PRCC: variants seen among roughly 807,000 people sequenced by gnomAD.
PRCC encodes proline-rich protein PRCC.
A neutral mutation model predicts 44.0 loss-of-function variants in PRCC; 10 were observed. The ratio of observed to expected loss-of-function variants is 0.23; its 90% CI spans 0.14 to 0.39. The LOEUF (loss-of-function observed/expected upper bound fraction) is 0.39, where lower values mean the gene tolerates loss of function less well. Among genes scored for constraint, PRCC ranks in the 10% least tolerant of loss-of-function variants. The pLI is 1.00. For missense variants in PRCC, 573 were observed against 624.7 expected (o/e 0.92, Z 0.88); for synonymous variants, 278 against 259.5 (o/e 1.07, Z -0.69).
At chr1:156,791,092 C>G in intron 3 of PRCC, 2 of 1,412,872 alleles carry the variant, frequency 1.4e-6, no homozygotes, top group Non-Finnish European at 1.9e-6. Flanking sequence ...CTGGGCCACT[C>G]GCCTCTAAGG....
intron 2 of PRCC, among the ~76,000 whole-genome samples, chr1:156,784,298 G>A (rs149022269): frequency 5.2e-4 from 79 of 152,276 alleles, no homozygotes; most frequent in African/African-American, 1.8e-3. Context: ...AGATGTTGGC[G>A]TGCTGAGACT....
rs201707266 is a variant in PRCC, at chr1:156,800,790, TG to T, written c.*331del. ...TTTTTTTTAAACCAGGGATGTCTGT[TG>T]AAATAAAACATTCAGTCTGACAAAC... is the stretch of plus-strand genomic sequence containing the variant. On this transcript the variant is annotated 3_prime_UTR_variant, in exon 7 of 7. Transcript: ENST00000271526. 0.011 allele frequency: 3,001 copies of T among 282,068 alleles called. 44 individuals carry two copies. Among genetic ancestry groups the T allele is most frequent in the Admixed American group, 0.029 (633 of 21,562 alleles). The allele number at this position is 282,068 out of a possible 1,614,324, so 17.5% of individuals were successfully genotyped here. A position where few individuals can be genotyped will look rare whatever the true frequency, so the allele number is the denominator to read the frequency against.
In PRCC at chr1:156,768,184, C is replaced by G. The variant is rs1359222788; in HGVS notation, c.413C>G (p.Pro138Arg). The change falls in exon 1 of 7, where the codon CCA becomes CGA. Residue 138 changes from proline to arginine, a missense_variant. Physicochemically the swap from Pro to Arg is moderately radical, Grantham distance 103. This residue lies in a region of PRCC where 245 missense variants were observed against 188.5 expected (regional missense o/e 1.30). Coordinates refer to ENST00000271526, the MANE Select transcript of PRCC (RefSeq NM_005973.5). ...GAGPPLGLPK[P>R]KKRKEPVKIA... is the part of the protein sequence containing the mutation. ...GGTCCCCCGCTGGGGCTTCCCAAGC[C>G]AAAGAAGAGGAAAGAGCCCGTGAAG... 26 of 1,550,602 alleles carry G rather than the reference C, an allele frequency of 1.7e-5. No homozygotes were observed. Among genetic ancestry groups the G allele is most frequent in the Non-Finnish European group, 2.1e-5 (24 of 1,148,162 alleles).
chr1:156,780,790 A>G (rs974616321), intron 1 of PRCC, among the ~76,000 whole-genome samples: 1 of 151,708 alleles, frequency 6.6e-6, no homozygotes, highest in Non-Finnish European at 1.5e-5. Context: ...CTGGATTGCA[A>G]GATCTTGGCT....
At chr1:156,775,349 T>G (rs1651787094) in intron 1 of PRCC, among the ~76,000 whole-genome samples, 1 of 150,864 alleles carries the variant, frequency 6.6e-6, no homozygotes, top group Admixed American at 6.6e-5. Context: ...CATTTTTCTT[T>G]CTTTTGTTTT....
At chr1:156,769,052 C>T (rs142742644) in intron 1 of PRCC, among the ~76,000 whole-genome samples, 1 of 152,194 alleles carries the variant, frequency 6.6e-6, no homozygotes, top group Non-Finnish European at 1.5e-5. Context: ...ATACAAGGCT[C>T]CTGGAGTGAG....
chr1:156,786,851 C>G lies in PRCC; in HGVS notation c.760C>G (p.Leu254Val). ...AIKAAAKSAA[L>V]QVTKQITQEE... ...CAAGGCTGCTGCCAAGAGTGCTGCCCTGCAGGTGACAAAGCAGATCACGCA... is the reference window on the plus strand; with the variant it reads ...CAAGGCTGCTGCCAAGAGTGCTGCCGTGCAGGTGACAAAGCAGATCACGCA... Residue 254 changes from leucine (L) to valine (V), a missense_variant, in exon 3 of 7, where the codon CTG (leucine) becomes GTG (valine). Leu to Val is a conservative substitution (Grantham distance 32). Around this residue, in one of 4 missense-constraint regions of PRCC, gnomAD observed 118 missense variants for 166.7 expected, o/e 0.71. Coordinates refer to ENST00000271526, the MANE Select transcript of PRCC (RefSeq NM_005973.5). 1 of 1,614,230 alleles carries G rather than the reference C, an allele frequency of 6.2e-7. No individual in the cohort carries two copies. The highest frequency in any genetic ancestry group is 8.5e-7 in the Non-Finnish European group (1 of 1,180,026).
At chr1:156,775,233 G>A (rs1457171458) in intron 1 of PRCC, among the ~76,000 whole-genome samples, 2 of 152,048 alleles carry the variant, frequency 1.3e-5, no homozygotes, top group Non-Finnish European at 2.9e-5. Flanking sequence ...GGGCTGCAGA[G>A]GGAGGCTCCA....
chr1:156,778,171 T>G (rs558936887), intron 1 of PRCC, among the ~76,000 whole-genome samples: 114 of 150,540 alleles, frequency 7.6e-4, no homozygotes, highest in African/African-American at 2.5e-3. Flanking sequence ...TCTTCCTGTC[T>G]GAGATTTTGT....
chr1:156,770,956 T>G (rs1340468882), intron 1 of PRCC, among the ~76,000 whole-genome samples: 1 of 152,244 alleles, frequency 6.6e-6, no homozygotes, highest in Admixed American at 6.5e-5. Flanking sequence ...GCTTATGATC[T>G]ACTGGAGAAA....
chr1:156,795,555 G>A (rs1652635600), intron 5 of PRCC, among the ~76,000 whole-genome samples: 1 of 152,036 alleles, frequency 6.6e-6, no homozygotes, highest in Non-Finnish European at 1.5e-5. Flanking sequence ...CAAAGTGCTG[G>A]GATTACAGGC....
intron 6 of PRCC, among the ~76,000 whole-genome samples, chr1:156,798,948 T>C (rs892491968): frequency 1.3e-5 from 2 of 151,804 alleles, no homozygotes; most frequent in Non-Finnish European, 2.9e-5. Flanking sequence ...GACAAGCAGC[T>C]CCCGTGGAAA....
intron 1 of PRCC, among the ~76,000 whole-genome samples, chr1:156,769,421 T>TA (rs892958993): frequency 4.7e-5 from 7 of 150,422 alleles, no homozygotes; most frequent in Non-Finnish European, 5.9e-5. Flanking sequence ...AGGCAGGGAT[T>TA]AAAAAAAAAA....
In PRCC at chr1:156,798,668, A is replaced by G. The variant is rs577193559; in HGVS notation, c.1389+1327A>G. Among the ~76,000 whole-genome samples the G allele has an allele frequency of 2.0e-3, 307 of 152,144 alleles. 1 individual carries two copies. The Middle Eastern group carries it at 0.027, about 13-fold the overall frequency. On this transcript the variant is annotated intron_variant, in intron 6 of 6. Coordinates refer to ENST00000271526, the MANE Select transcript of PRCC (RefSeq NM_005973.5). ...TCAGGAATTCGAGACCAGCCTGACC[A>G]ACATGGTGAAACCCTGTCTCTACTA...
At chr1:156,796,005 C>T (rs997954959) in intron 5 of PRCC, 1 of 152,212 alleles carries the variant, frequency 6.6e-6, no homozygotes. Context: ...ACACAAGCCC[C>T]AGCCGTTTGT....
chr1:156,790,950 G>C (rs1421767386), intron 3 of PRCC: 1 of 518,410 alleles, frequency 1.9e-6, no homozygotes, highest in Non-Finnish European at 3.8e-6. Flanking sequence ...AGTTTAAGAC[G>C]AAGTGGAAGA....
chr1:156,793,540 G>A (rs1339096825), intron 4 of PRCC, among the ~76,000 whole-genome samples: 3 of 149,054 alleles, frequency 2.0e-5, no homozygotes, highest in Non-Finnish European at 4.4e-5. Context: ...GTAAAGCTAA[G>A]ACTCTGTGTG....
At chr1:156,794,330 G>A (rs1047008021) in intron 4 of PRCC, among the ~76,000 whole-genome samples, 36 of 152,118 alleles carry the variant, frequency 2.4e-4, no homozygotes, top group African/African-American at 8.2e-4. Context: ...ATTGATTTGG[G>A]GGTACATGTG....
chr1:156,773,122 G>C (rs138352174), intron 1 of PRCC, among the ~76,000 whole-genome samples: 1 of 152,280 alleles, frequency 6.6e-6, no homozygotes, highest in Non-Finnish European at 1.5e-5. Context: ...TAGCAAATGG[G>C]GATAACAGTA....
Sources: gnomAD v4.1 joint callset for allele counts (sites outside exome capture counted in the v4.1 genomes callset) on GRCh38, gnomAD v4.1.1 for gene constraint, gnomAD v4.1.1 regional missense constraint, MANE v1.5 for transcripts, NCBI Gene and HGNC (gene_info 2026-07-23, HGNC 2026-07-21) for gene names.